NRG3: variants seen among roughly 807,000 people sequenced by gnomAD.
The protein encoded by NRG3 is pro-neuregulin-3, membrane-bound isoform.
NRG3 carries 31 observed loss-of-function variants against 66.9 expected under a neutral mutation model. That is an observed-to-expected ratio of 0.46 (90% CI 0.35 to 0.63). The LOEUF (loss-of-function observed/expected upper bound fraction) is 0.63, where lower values mean the gene tolerates loss of function less well. NRG3 is among the 20% of genes least tolerant of loss of function. The pLI is 0.00. For missense variants in NRG3, 910 were observed against 878.9 expected (o/e 1.04, Z -0.45); for synonymous variants, 393 against 359.4 (o/e 1.09, Z -1.06).
chr10:82,909,414 A>G (rs1845099533), intron 4 of NRG3, among the ~76,000 whole-genome samples: 2 of 152,182 alleles, frequency 1.3e-5, no homozygotes, highest in African/African-American at 4.8e-5. Flanking sequence ...ACATGATGCT[A>G]CAACTGGAAA....
At chr10:82,942,676 T>C (rs1848678280) in intron 4 of NRG3, among the ~76,000 whole-genome samples, 1 of 152,184 alleles carries the variant, frequency 6.6e-6, no homozygotes. Flanking sequence ...CCTGGACTCA[T>C]CTCACTCCAG....
intron 1 of NRG3, among the ~76,000 whole-genome samples, chr10:82,294,142 A>T (rs747954783): frequency 1.3e-5 from 2 of 152,194 alleles, no homozygotes; most frequent in Non-Finnish European, 2.9e-5. Context: ...GGCCCTGGAC[A>T]TGCATTCTAA....
chr10:82,557,093 A>G (rs188259246), intron 2 of NRG3, among the ~76,000 whole-genome samples: 26 of 152,308 alleles, frequency 1.7e-4, no homozygotes, highest in African/African-American at 6.3e-4. Flanking sequence ...TAATGCTGCA[A>G]TGAACTTACA....
chr10:82,979,703 G>A lies in NRG3; in HGVS notation c.1583+583G>A, dbSNP rs143129313. The stretch of plus-strand genomic sequence containing the variant: ...GCAAAAGGTGTCCCTTCCTCTGGTG[G>A]ACACAGATCCATAGAGGCCTCAAAG... On this transcript the variant is annotated intron_variant, in intron 8 of 8. Transcript: ENST00000372141. Among the ~76,000 whole-genome samples the A allele has an allele frequency of 6.5e-3, 994 of 152,166 alleles. 10 individuals are homozygous for A. The highest frequency in any genetic ancestry group is 0.022 in the African/African-American group (930 of 41,484).
chr10:82,161,863 G>A (rs1349396458), intron 1 of NRG3, among the ~76,000 whole-genome samples: 2 of 152,110 alleles, frequency 1.3e-5, no homozygotes, highest in Non-Finnish European at 2.9e-5. Flanking sequence ...CAAGGTGTCT[G>A]CCATGGGAAA....
In NRG3 at chr10:82,903,330, A is replaced by T. The variant is rs144568130; in HGVS notation, c.1054+37893A>T. ...GCATTTTGCCTCTCCAGTAAATTGT[A>T]TATCCAGTAAAAAGTGATCTCTCTC... On this transcript the variant is annotated intron_variant, in intron 4 of 8. Coordinates refer to ENST00000372141, the MANE Select transcript of NRG3 (RefSeq NM_001010848.4). 6.6e-4 allele frequency among the ~76,000 whole-genome samples: 100 copies of T among 152,268 alleles called. No homozygotes were observed. In the South Asian group the frequency reaches 0.011, roughly 17 times the overall value.
chr10:82,778,945 G>T (rs557238699), intron 3 of NRG3, among the ~76,000 whole-genome samples: 1 of 152,104 alleles, frequency 6.6e-6, no homozygotes, highest in South Asian at 2.1e-4. Flanking sequence ...CCAAGGAGAA[G>T]GAGCTGCAGC....
chr10:82,516,494 CCA>C (rs916643475), intron 2 of NRG3, among the ~76,000 whole-genome samples: 1 of 151,920 alleles, frequency 6.6e-6, no homozygotes, highest in African/African-American at 2.4e-5. Context: ...TATCTATCAT[CCA>C]CACACACACA....
chr10:82,603,026 T>C (rs565369658), intron 2 of NRG3, among the ~76,000 whole-genome samples: 1 of 152,336 alleles, frequency 6.6e-6, no homozygotes, highest in Admixed American at 6.5e-5. Context: ...AACAAATTGG[T>C]AAATGTAACT....
At chr10:82,962,395 C>A (rs1259145296) in intron 6 of NRG3, among the ~76,000 whole-genome samples, 1 of 152,004 alleles carries the variant, frequency 6.6e-6, no homozygotes. Flanking sequence ...AGAAAATATT[C>A]ACAATTGAAA....
At position 81,972,985 on chromosome 10, in the gene NRG3, TG is replaced by T. The variant is rs1351494778; in HGVS notation, c.823+96826del. Among the ~76,000 whole-genome samples the T allele has an allele frequency of 3.9e-5, 6 of 152,184 alleles. 1 individual carries two copies. Among genetic ancestry groups the T allele is most frequent in the Non-Finnish European group, 8.8e-5 (6 of 68,030 alleles). ...TTGTTACATAGGTAAACTTGTGTCATGGGGCTTCGTTTTACAGATTATTTCA... is the reference window on the plus strand; with the variant it reads ...TTGTTACATAGGTAAACTTGTGTCATGGGCTTCGTTTTACAGATTATTTCA... On this transcript the variant is annotated intron_variant, in intron 1 of 8. Coordinates refer to ENST00000372141, the MANE Select transcript of NRG3 (RefSeq NM_001010848.4).
At chr10:82,574,408 A>G (rs1479328563) in intron 2 of NRG3, among the ~76,000 whole-genome samples, 1 of 151,778 alleles carries the variant, frequency 6.6e-6, no homozygotes, top group Admixed American at 6.6e-5. Flanking sequence ...GAATAAAGAG[A>G]CTTGTTTAAT....
At chr10:82,048,003 G>T (rs1209196478) in intron 1 of NRG3, among the ~76,000 whole-genome samples, 3 of 151,348 alleles carry the variant, frequency 2.0e-5, no homozygotes, top group Non-Finnish European at 3.0e-5. Flanking sequence ...AGACAAAGAA[G>T]GCCATTACAT....
chr10:82,564,005 A>C (rs1360122004), intron 2 of NRG3, among the ~76,000 whole-genome samples: 1 of 152,136 alleles, frequency 6.6e-6, no homozygotes, highest in African/African-American at 2.4e-5. Context: ...AACAAATTAA[A>C]ATTAAAAGTA....
rs532100257 is a variant in NRG3, at chr10:81,962,283, T to A, written c.823+86120T>A. 5.9e-5 allele frequency among the ~76,000 whole-genome samples: 9 copies of A among 152,342 alleles called. No individual in the cohort carries two copies. The South Asian group carries it at 1.9e-3, about 32-fold the overall frequency. ...TGGTTATTAAATGAACTATAAAATA[T>A]CACACTGGGCCTGCCAGTAGAAGCC... On this transcript the variant is annotated intron_variant, in intron 1 of 8. Coordinates refer to ENST00000372141, the MANE Select transcript of NRG3 (RefSeq NM_001010848.4).
intron 1 of NRG3, among the ~76,000 whole-genome samples, chr10:81,928,632 A>G (rs757104616): frequency 2.0e-4 from 31 of 152,216 alleles, no homozygotes; most frequent in Non-Finnish European, 4.1e-4. Flanking sequence ...TTATGGGTAC[A>G]TGGGTACATT....
intron 2 of NRG3, among the ~76,000 whole-genome samples, chr10:82,469,998 C>T (rs1841091948): frequency 6.6e-6 from 1 of 152,118 alleles, no homozygotes; most frequent in Non-Finnish European, 1.5e-5. Flanking sequence ...AAAAAACTTG[C>T]CGTGTTTCTA....
chr10:82,495,787 T>C (rs937322360), intron 2 of NRG3, among the ~76,000 whole-genome samples: 25 of 148,062 alleles, frequency 1.7e-4, no homozygotes, highest in African/African-American at 6.3e-4. Context: ...TCTACTTTTG[T>C]ATGTTCCAAT....
intron 1 of NRG3, among the ~76,000 whole-genome samples, chr10:82,203,285 C>T (rs2074941484): frequency 6.6e-6 from 1 of 152,082 alleles, no homozygotes; most frequent in African/African-American, 2.4e-5. Flanking sequence ...ATGAGTATTC[C>T]ATTTCCATGT....
Sources: gnomAD v4.1 joint callset for allele counts (sites outside exome capture counted in the v4.1 genomes callset) on GRCh38, gnomAD v4.1.1 for gene constraint, MANE v1.5 for transcripts, NCBI Gene and HGNC (gene_info 2026-07-23, HGNC 2026-07-21) for gene names.